Variants in MYZAP observed in about 807,000 individuals in gnomAD.
The protein encoded by MYZAP is myocardial zonula adherens protein.
Under a neutral mutation model 69.4 loss-of-function variants are expected in MYZAP, and 66 were observed. The ratio of observed to expected loss-of-function variants is 0.95; its 90% CI spans 0.78 to 1.17. The LOEUF (loss-of-function observed/expected upper bound fraction) is 1.17, where lower values mean the gene tolerates loss of function less well. Ranked by LOEUF, MYZAP falls within the 50% of genes most tolerant of loss-of-function variation. The pLI is 0.00. For synonymous variants in MYZAP, 256 were observed against 205.9 expected (o/e 1.24, Z -2.09); for missense variants, 611 against 556.2 (o/e 1.10, Z -0.99).
intron 12 of MYZAP, 61 bp downstream of exon 12, chr15:57,675,129 C>T (rs1407965649): frequency 1.4e-6 from 2 of 1,396,020 alleles, no homozygotes; most frequent in African/African-American, 2.9e-5. Context: ...GAAGAAAATA[C>T]TTTACTAGGC....
chr15:57,621,540 A>T, intron 3 of MYZAP, 68 bp from the exon 4 acceptor site: 1 of 1,564,204 alleles, frequency 6.4e-7, no homozygotes, highest in Non-Finnish European at 8.7e-7. Context: ...GAGTTTCTTA[A>T]AAGTTTTAGA....
At chr15:57,602,455 C>T (rs532590942) in intron 1 of MYZAP, among the ~76,000 whole-genome samples, 2 of 152,278 alleles carry the variant, frequency 1.3e-5, no homozygotes, top group East Asian at 3.9e-4. Flanking sequence ...CTTATAAGGA[C>T]ACCAGTCATT....
chr15:57,621,698 T>G lies in MYZAP; in HGVS notation c.409T>G (p.Ser137Ala), dbSNP rs1321162221. 6.2e-7 allele frequency: 1 copy of G among 1,613,626 alleles called. No individual in the cohort carries two copies. Among genetic ancestry groups the G allele is most frequent in the East Asian group, 2.2e-5 (1 of 44,866 alleles). Residue 137 changes from serine (S) to alanine (A), a missense_variant and splice_region_variant, in exon 4 of 13, where the codon TCA (serine) becomes GCA (alanine). By Grantham distance (99) the Ser-to-Ala change is moderately conservative (BLOSUM62 1). Transcript: ENST00000267853. ...QKIRQLTQEL[S>A]VSHAQQEYLE... ...GATTCGACAGCTCACCCAGGAACTA[T>G]CAGTAAGTCATTATCTCAGTTGCTT... is the stretch of plus-strand genomic sequence containing the variant.
At chr15:57,593,207 C>CACAA (rs1175307689) in intron 1 of MYZAP, among the ~76,000 whole-genome samples, 1 of 151,006 alleles carries the variant, frequency 6.6e-6, no homozygotes, top group Non-Finnish European at 1.5e-5. Context: ...CACACACACA[C>CACAA]ACACACACCC....
At chr15:57,678,712 A>G (rs1228010521) in intron 12 of MYZAP, among the ~76,000 whole-genome samples, 1 of 152,090 alleles carries the variant, frequency 6.6e-6, no homozygotes, top group Non-Finnish European at 1.5e-5. Context: ...GTCAGCTAAG[A>G]CCTGAGAGTG....
intron 10 of MYZAP, among the ~76,000 whole-genome samples, chr15:57,656,964 T>C (rs2140527242): frequency 6.6e-6 from 1 of 152,322 alleles, no homozygotes; most frequent in East Asian, 1.9e-4. Context: ...CTCTCCAGAC[T>C]AGCATCAGCC....
intron 10 of MYZAP, among the ~76,000 whole-genome samples, chr15:57,650,124 G>T (rs184895776): frequency 6.6e-6 from 1 of 152,094 alleles, no homozygotes; most frequent in African/African-American, 2.4e-5. Flanking sequence ...TTTGGCTCAC[G>T]GAAAGCTTGT....
At chr15:57,593,644 G>A (rs1440204945) in intron 1 of MYZAP, among the ~76,000 whole-genome samples, 8 of 152,084 alleles carry the variant, frequency 5.3e-5, no homozygotes, top group Non-Finnish European at 8.8e-5. Flanking sequence ...CTTTGCTGTC[G>A]GACACATTGT....
chr15:57,626,390 A>G (rs1206815206), intron 5 of MYZAP, among the ~76,000 whole-genome samples: 1 of 152,238 alleles, frequency 6.6e-6, no homozygotes, highest in Non-Finnish European at 1.5e-5. Context: ...TTGTAGTAGC[A>G]GACAGGGAAA....
At chr15:57,674,309 T>A (rs2039012504) in intron 11 of MYZAP, among the ~76,000 whole-genome samples, 1 of 152,224 alleles carries the variant, frequency 6.6e-6, no homozygotes, top group African/African-American at 2.4e-5. Context: ...AATCTTTAAC[T>A]TATGTAATGT....
At chr15:57,627,530 A>G (rs112476939) in intron 5 of MYZAP, among the ~76,000 whole-genome samples, 13,986 of 152,096 alleles carry the variant, frequency 0.092, 702 homozygotes, top group Admixed American at 0.14. Context: ...GGACCACTCG[A>G]GTACCTGGTG....
intron 10 of MYZAP, among the ~76,000 whole-genome samples, chr15:57,642,081 T>G (rs1281879831): frequency 6.6e-6 from 1 of 152,238 alleles, no homozygotes; most frequent in Non-Finnish European, 1.5e-5. Flanking sequence ...AAAACATTTC[T>G]AATACTGGCT....
chr15:57,593,169 T>C (rs1003395453), intron 1 of MYZAP, among the ~76,000 whole-genome samples: 2 of 56,264 alleles, frequency 3.6e-5, no homozygotes, highest in African/African-American at 7.9e-5. Flanking sequence ...CACCAGACAC[T>C]TAGGTTGTGT....
chr15:57,633,313 G>T (rs1452897023), intron 7 of MYZAP, among the ~76,000 whole-genome samples: 1 of 152,070 alleles, frequency 6.6e-6, no homozygotes, highest in Non-Finnish European at 1.5e-5. Flanking sequence ...GACATTCTGA[G>T]CATCTACTCA....
chr15:57,682,849 C>T (rs1370353101), intron 12 of MYZAP, among the ~76,000 whole-genome samples: 10 of 152,080 alleles, frequency 6.6e-5, no homozygotes, highest in Admixed American at 3.3e-4. Context: ...TTCCCATCCC[C>T]GCTTTGCCCG....
At chr15:57,627,249 C>G (rs184211396) in intron 5 of MYZAP, among the ~76,000 whole-genome samples, 1 of 152,144 alleles carries the variant, frequency 6.6e-6, no homozygotes, top group East Asian at 1.9e-4. Context: ...TTGAGCTGGG[C>G]CAGCTCTGAC....
intron 8 of MYZAP, among the ~76,000 whole-genome samples, chr15:57,635,222 A>C (rs1324412414): frequency 2.0e-5 from 3 of 152,190 alleles, no homozygotes; most frequent in African/African-American, 7.2e-5. Context: ...TGATAATGGT[A>C]CTTCTTATTC....
intron 2 of MYZAP, among the ~76,000 whole-genome samples, chr15:57,614,401 G>T (rs1259238384): frequency 6.6e-6 from 1 of 152,246 alleles, no homozygotes; most frequent in African/African-American, 2.4e-5. Context: ...CTGGGCTGCA[G>T]CTGTGGTGAG....
At chr15:57,602,549 G>T (rs1378639713) in intron 1 of MYZAP, among the ~76,000 whole-genome samples, 1 of 152,202 alleles carries the variant, frequency 6.6e-6, no homozygotes. Flanking sequence ...CACATTCTGA[G>T]ATGCCAGGAA....
Sources: allele counts gnomAD v4.1 joint callset (sites outside exome capture counted in the v4.1 genomes callset), GRCh38; gene constraint gnomAD v4.1.1; transcripts MANE v1.5; gene names NCBI Gene and HGNC (gene_info 2026-07-23, HGNC 2026-07-21).